Variants in PIEZO2 observed in about 807,000 individuals in gnomAD.
PIEZO2 encodes the protein piezo type mechanosensitive ion channel component 2.
A neutral mutation model predicts 337.3 loss-of-function variants in PIEZO2; 172 were observed. That is an observed-to-expected ratio of 0.51 (90% CI 0.45 to 0.58). PIEZO2 has a LOEUF of 0.58. Ranked by LOEUF, PIEZO2 falls within the 20% of genes least tolerant of loss-of-function variation. The pLI, the probability that PIEZO2 is intolerant of heterozygous loss-of-function variation, is 0.00. For missense variants in PIEZO2, 3,028 were observed against 3,391.3 expected (o/e 0.89, Z 2.66); for synonymous variants, 1,251 against 1,228.5 (o/e 1.02, Z -0.38).
chr18:11,126,426 G>A lies in PIEZO2; in HGVS notation c.64+22099C>T, dbSNP rs1314225806. On this transcript the variant is annotated intron_variant, in intron 1 of 55. Transcript: ENST00000674853. This position sits in a 1 kb window ranked among gnomAD's most constrained non-coding sequence, Gnocchi z 4.6. ...GACTGTTCCATCTTACTGTCCCCTA[G>A]GCCTGGTAAAGGGCACTCCTCACAC... Among the ~76,000 whole-genome samples the A allele has an allele frequency of 6.6e-6, 1 of 152,024 alleles. No homozygotes were observed. Among genetic ancestry groups the A allele is most frequent in the Non-Finnish European group, 1.5e-5 (1 of 68,022 alleles).
chr18:11,052,082 AT>A (rs375942482), intron 2 of PIEZO2, among the ~76,000 whole-genome samples: 6,356 of 150,046 alleles, frequency 0.042, 214 homozygotes, highest in African/African-American at 0.09. Context: ...TAGCTTCATA[AT>A]TTTTTTTTTT....
At chr18:11,137,851 C>A (rs1043487945) in intron 1 of PIEZO2, among the ~76,000 whole-genome samples, 2 of 152,154 alleles carry the variant, frequency 1.3e-5, no homozygotes, top group African/African-American at 4.8e-5. Flanking sequence ...GAAAACAGAT[C>A]GATTTGTGTG....
At chr18:11,136,727 G>T (rs112724323) in intron 1 of PIEZO2, among the ~76,000 whole-genome samples, 13 of 152,150 alleles carry the variant, frequency 8.5e-5, no homozygotes, top group African/African-American at 2.7e-4. Context: ...CAACACCTGC[G>T]TAGGGAGCCC....
chr18:10,742,595 C>G lies in PIEZO2; in HGVS notation c.4535G>C (p.Arg1512Thr). ...CTTACCCTTTTTATATTTCTGTTGC[C>G]TGGCCTTGATGCGATCCATCCTATA... ...LKRQMDRIKA[R>T]QQKYKKGKER... Residue 1512 changes from arginine (R) to threonine (T), a missense_variant, in exon 32 of 56, where the codon AGG (arginine) becomes ACG (threonine). Coordinates refer to ENST00000674853, the MANE Select transcript of PIEZO2 (RefSeq NM_001378183.1). 2 of 1,537,150 alleles carry G rather than the reference C, an allele frequency of 1.3e-6. No individual in the cohort carries two copies. Among genetic ancestry groups the G allele is most frequent in the South Asian group, 1.2e-5 (1 of 84,064 alleles).
Position 11,028,936 on chromosome 18 carries a change from C to T in PIEZO2, c.160+37191G>A, listed in dbSNP as rs1157933447. Among the ~76,000 whole-genome samples, 1 of 152,124 alleles carries T rather than the reference C, an allele frequency of 6.6e-6. No homozygotes were observed. The highest frequency in any genetic ancestry group is 2.4e-5 in the African/African-American group (1 of 41,406). ...TTGAAAAAAAATTTAGATAAGATGG[C>T]ATGGAACATTTTACCTTGCATCTAA... On this transcript the variant is annotated intron_variant, in intron 2 of 55. Transcript: ENST00000674853. This position sits in a 1 kb window ranked among gnomAD's most constrained non-coding sequence, Gnocchi z 4.8.
chr18:10,812,659 G>C (rs1488411092), intron 7 of PIEZO2, among the ~76,000 whole-genome samples: 1 of 152,042 alleles, frequency 6.6e-6, no homozygotes, highest in African/African-American at 2.4e-5. Flanking sequence ...CGGCTCTGGG[G>C]GCCTCCATGG....
Position 10,699,131 on chromosome 18 carries a change from G to A in PIEZO2, c.6488C>T (p.Ala2163Val). 1 of 1,537,090 alleles carries A rather than the reference G, an allele frequency of 6.5e-7. No individual in the cohort carries two copies. The highest frequency in any genetic ancestry group is 1.4e-5 in the African/African-American group (1 of 73,066). The change falls in exon 44 of 56, where the codon GCC becomes GTC. Residue 2163 changes from alanine (A) to valine (V), a missense_variant. Physicochemically the swap from Ala to Val is moderately conservative, Grantham distance 64. Coordinates refer to ENST00000674853, the MANE Select transcript of PIEZO2 (RefSeq NM_001378183.1). ...DEDDMTESGM[A>V]REESDDELSL... ...GAGCTCATCATCTGATTCCTCCCTGGCCATGCCACTTTCAGTCATGTCATC... is the reference window on the plus strand; with the variant it reads ...GAGCTCATCATCTGATTCCTCCCTGACCATGCCACTTTCAGTCATGTCATC...
At chr18:10,732,549 T>C (rs1048993660) in intron 35 of PIEZO2, among the ~76,000 whole-genome samples, 7 of 152,246 alleles carry the variant, frequency 4.6e-5, no homozygotes, top group African/African-American at 1.7e-4. Context: ...TAGGTTACTA[T>C]AATAGAAAAA....
At chr18:10,711,890 T>A (rs1228734289) in intron 39 of PIEZO2, among the ~76,000 whole-genome samples, 1 of 152,192 alleles carries the variant, frequency 6.6e-6, no homozygotes, top group African/African-American at 2.4e-5. Context: ...AAGACATAGT[T>A]TGGATCCGAC....
rs967541729 is a variant in PIEZO2, at chr18:10,945,592, A to G, written c.286+33943T>C. Reference sequence around the variant, plus strand: ...ACCAAGCTTAAAAATATGTATAGGAATATAAAAATGTCTAGCACCCAACAA... The same window carrying G: ...ACCAAGCTTAAAAATATGTATAGGAGTATAAAAATGTCTAGCACCCAACAA... On this transcript the variant is annotated intron_variant, in intron 3 of 55. Coordinates refer to ENST00000674853, the MANE Select transcript of PIEZO2 (RefSeq NM_001378183.1). This position sits in a 1 kb window ranked among gnomAD's most constrained non-coding sequence, Gnocchi z 4.0. 2.0e-5 allele frequency among the ~76,000 whole-genome samples: 3 copies of G among 152,178 alleles called. No individual in the cohort carries two copies. The highest frequency in any genetic ancestry group is 4.4e-5 in the Non-Finnish European group (3 of 68,042).
Position 10,677,975 on chromosome 18 carries a change from G to T in PIEZO2, c.7953-100C>A. The T allele has an allele frequency of 8.5e-7, 1 of 1,180,052 alleles. No individual in the cohort carries two copies. The highest frequency in any genetic ancestry group is 1.2e-6 in the Non-Finnish European group (1 of 867,830). 73.1% of individuals were successfully genotyped at this position (1,180,052 alleles called of 1,614,324 possible). A position where few individuals can be genotyped will look rare whatever the true frequency, so the allele number is the denominator to read the frequency against. On this transcript the variant is annotated intron_variant, in intron 52 of 55. Coordinates refer to ENST00000674853, the MANE Select transcript of PIEZO2 (RefSeq NM_001378183.1). This position sits in a 1 kb window ranked among gnomAD's most constrained non-coding sequence, Gnocchi z 4.1. ...CTCTTAATTTGATTAATGTCACCACGTTTTCATTGGGTCCACAACGGTCAA... is the reference window on the plus strand; with the variant it reads ...CTCTTAATTTGATTAATGTCACCACTTTTTCATTGGGTCCACAACGGTCAA...
chr18:10,994,866 G>A (rs1347745384), intron 2 of PIEZO2, among the ~76,000 whole-genome samples: 2 of 151,820 alleles, frequency 1.3e-5, no homozygotes, highest in Non-Finnish European at 2.9e-5. Flanking sequence ...CGGATCACCT[G>A]AGGTCAGAAG....
intron 1 of PIEZO2, among the ~76,000 whole-genome samples, chr18:11,144,752 C>G (rs1413516393): frequency 1.3e-5 from 2 of 152,160 alleles, no homozygotes; most frequent in African/African-American, 4.8e-5. Context: ...TCTGCTCTTT[C>G]CTAAGCTCTG....
intron 1 of PIEZO2, among the ~76,000 whole-genome samples, chr18:11,120,183 A>G (rs1018159078): frequency 3.9e-5 from 6 of 152,226 alleles, no homozygotes; most frequent in Non-Finnish European, 8.8e-5. Flanking sequence ...GTTATGTAAT[A>G]CTTGGTTAAT....
Position 11,143,631 on chromosome 18 carries a change from A to ACTCT in PIEZO2, c.64+4893_64+4894insAGAG, listed in dbSNP as rs2040724694. ...CACACACACACACACACACACACAC[A>ACTCT]CACACACACTCTCTCTCTCTCTCTC... is the stretch of plus-strand genomic sequence containing the variant. On this transcript the variant is annotated intron_variant, in intron 1 of 55. Coordinates refer to ENST00000674853, the MANE Select transcript of PIEZO2 (RefSeq NM_001378183.1). The surrounding 1 kb of genome is among the most constrained non-coding windows in gnomAD (Gnocchi z 4.9). Among the ~76,000 whole-genome samples the ACTCT allele has an allele frequency of 1.6e-5, 1 of 63,876 alleles. No homozygotes were observed. Among genetic ancestry groups the ACTCT allele is most frequent in the East Asian group, 5.9e-4 (1 of 1,686 alleles). 41.9% of individuals were successfully genotyped at this position (63,876 alleles called of 152,430 possible).
At chr18:10,947,681 T>C (rs939089946) in intron 3 of PIEZO2, among the ~76,000 whole-genome samples, 1 of 152,190 alleles carries the variant, frequency 6.6e-6, no homozygotes, top group Non-Finnish European at 1.5e-5. Flanking sequence ...CTAGAAATGG[T>C]CACTACATAG....
intron 2 of PIEZO2, among the ~76,000 whole-genome samples, chr18:11,010,536 G>A (rs1456832280): frequency 1.3e-5 from 2 of 152,178 alleles, no homozygotes; most frequent in Non-Finnish European, 2.9e-5. Context: ...TGCACTGGAA[G>A]TGCACCTGAC....
At chr18:10,800,599 C>T in intron 10 of PIEZO2, 124 bp from the exon 11 acceptor site, 1 of 1,176,294 alleles carries the variant, frequency 8.5e-7, no homozygotes, top group Non-Finnish European at 1.1e-6. Context: ...AGCTGAATAA[C>T]TTAGCCAATT....
intron 2 of PIEZO2, among the ~76,000 whole-genome samples, chr18:11,004,426 C>T (rs1434611831): frequency 6.6e-6 from 1 of 152,164 alleles, no homozygotes; most frequent in East Asian, 1.9e-4. Context: ...GACTACATAT[C>T]AACCCATCTA....
Sources: gnomAD v4.1 joint callset for allele counts (sites outside exome capture counted in the v4.1 genomes callset) on GRCh38, gnomAD v4.1.1 for gene constraint, Gnocchi (gnomAD v3.1) non-coding constraint, MANE v1.5 for transcripts, NCBI Gene and HGNC (gene_info 2026-07-23, HGNC 2026-07-21) for gene names.